The following F9 variants were observed in gnomAD, a reference collection of about 807,000 sequenced individuals.
F9 encodes Christmas factor.
A neutral mutation model predicts 34.1 loss-of-function variants in F9; 2 were observed. That is an observed-to-expected ratio of 0.06 (90% CI 0.02 to 0.18). F9 has a LOEUF of 0.18. Among genes scored for constraint, F9 ranks in the 10% least tolerant of loss-of-function variants. The pLI is 1.00. For synonymous variants in F9, 137 were observed against 118.8 expected, an observed-to-expected ratio of 1.15 and a Z score of -1.00; for missense variants, 216 against 345.1, an observed-to-expected ratio of 0.63 and a Z score of 2.96.
At chrX:139,561,476 G>A in intron 7 of F9, 48 bp from the exon 8 acceptor site, 1 of 1,092,545 alleles carries the variant, frequency 9.2e-7, no homozygotes, top group Non-Finnish European at 1.3e-6. Flanking sequence ...GAAAATCTGT[G>A]TATGTGAAAT....
chrX:139,533,122 A>G (rs761377897), intron 1 of F9, among the ~76,000 whole-genome samples: 10 of 111,607 alleles, frequency 9.0e-5, no homozygotes, highest in African/African-American at 3.3e-4. Flanking sequence ...GTAGCAGTAC[A>G]AAAAAAGAGG....
rs1307382807 is a variant in F9 at position 139,551,162 on chromosome X, T to C, written c.621T>C (p.Ala207=). 18 of 1,211,212 alleles carry C rather than the reference T, an allele frequency of 1.5e-5. No homozygotes were observed. Among genetic ancestry groups the C allele is most frequent in the Non-Finnish European group, 1.9e-5 (17 of 894,921 alleles). ...TGGACTATGTAAATTCTACTGAAGCTGAAACCATTTTGGATAACATCACTC... is the reference window on the plus strand; with the variant it reads ...TGGACTATGTAAATTCTACTGAAGCCGAAACCATTTTGGATAACATCACTC... ...PDVDYVNSTE[A]ETILDNITQS... is the part of the protein sequence containing the mutation. Residue 207 remains alanine, a synonymous_variant, in exon 6 of 8, where the codon GCT becomes GCC. Transcript: ENST00000218099.
intron 6 of F9, among the ~76,000 whole-genome samples, chrX:139,552,016 C>T (rs1357551121): frequency 9.2e-6 from 1 of 108,959 alleles, no homozygotes; most frequent in Non-Finnish European, 1.9e-5. Context: ...ACGGCGAAAC[C>T]CCACCTCTAA....
intron 6 of F9, among the ~76,000 whole-genome samples, chrX:139,551,807 C>T (rs187888900): frequency 9.0e-6 from 1 of 111,558 alleles, no homozygotes; most frequent in Non-Finnish European, 1.9e-5. Context: ...CTGCTCTACA[C>T]TAGACCTACC....
chrX:139,541,690 A>G (rs1393415645), intron 4 of F9, among the ~76,000 whole-genome samples: 1 of 112,056 alleles, frequency 8.9e-6, no homozygotes, highest in African/African-American at 3.2e-5. Flanking sequence ...ATGACTGGCC[A>G]ATTATCCCAT....
chrX:139,548,260 T>C (rs1927759614), intron 4 of F9, 103 bp from the exon 5 acceptor site: 1 of 907,048 alleles, frequency 1.1e-6, no homozygotes, highest in Admixed American at 2.4e-5. Context: ...GCAACATGAA[T>C]GCCCCCAATG....
chrX:139,553,598 A>G (rs760806954), intron 6 of F9, among the ~76,000 whole-genome samples: 5 of 110,209 alleles, frequency 4.5e-5, no homozygotes, highest in African/African-American at 1.3e-4. Flanking sequence ...AAAGTCCAAG[A>G]TTCAGGAGAT....
At position 139,561,373 on chromosome X, in the gene F9, T is replaced by C. The variant is rs752743578; in HGVS notation, c.839-151T>C. On this transcript the variant is annotated intron_variant, in intron 7 of 7. Coordinates refer to ENST00000218099, the MANE Select transcript of F9 (RefSeq NM_000133.4). ...GGCTTTTTGGTCTGAAAAATATGCA[T>C]TGGCTCTCATTACATTTAACCAAAA... 336 of 495,890 alleles carry C rather than the reference T, an allele frequency of 6.8e-4. 2 individuals carry two copies. The highest frequency in any genetic ancestry group is 3.1e-4 in the Admixed American group (8 of 25,832). The allele number at this position is 495,890 out of a possible 1,213,427, so 40.9% of individuals were successfully genotyped here. A position where few individuals can be genotyped will look rare whatever the true frequency, so the allele number is the denominator to read the frequency against.
intron 1 of F9, among the ~76,000 whole-genome samples, chrX:139,536,026 T>C (rs1337227369): frequency 1.8e-5 from 2 of 108,879 alleles, no homozygotes; most frequent in African/African-American, 3.3e-5. Flanking sequence ...AAAGGTACAG[T>C]GAAAATACAG....
At chrX:139,536,709 T>A (rs1284464417) in intron 1 of F9, among the ~76,000 whole-genome samples, 1 of 112,117 alleles carries the variant, frequency 8.9e-6, no homozygotes, top group African/African-American at 3.2e-5. Context: ...GATGACAAAG[T>A]GTGAAGTTAA....
intron 6 of F9, among the ~76,000 whole-genome samples, chrX:139,553,149 T>C (rs752076657): frequency 2.7e-5 from 3 of 111,920 alleles, no homozygotes; most frequent in African/African-American, 9.8e-5. Flanking sequence ...CCTGATCTTA[T>C]AACTCATAAA....
intron 6 of F9, 126 bp from the exon 7 acceptor site, chrX:139,560,615 G>A (rs777210283): frequency 4.1e-5 from 21 of 517,663 alleles, no homozygotes; most frequent in Middle Eastern, 5.3e-4. Context: ...CACATTTCCA[G>A]AAACATTCCA....
chrX:139,540,844 C>T (rs1927584957), intron 3 of F9, among the ~76,000 whole-genome samples: 2 of 111,710 alleles, frequency 1.8e-5, no homozygotes, highest in Admixed American at 9.5e-5. Context: ...TATGTACATG[C>T]CTTCCTCAGG....
At position 139,562,836 on chromosome X, in the gene F9, A is replaced by G. The variant is rs1025120664; in HGVS notation, c.*765A>G. ...TTTGGGGGAAAAGTTTCTTTCAGAG[A>G]GTTAAGTTATTTTATATATATAATA... On this transcript the variant is annotated 3_prime_UTR_variant, in exon 8 of 8. Transcript: ENST00000218099. The G allele has an allele frequency of 4.8e-5, 5 of 104,271 alleles. No individual in the cohort carries two copies. The highest frequency in any genetic ancestry group is 9.7e-5 in the Non-Finnish European group (5 of 51,357). The allele number at this position is 104,271 out of a possible 1,213,427, so 8.6% of individuals were successfully genotyped here.
intron 4 of F9, among the ~76,000 whole-genome samples, chrX:139,544,332 TAGTG>T (rs1430069702): frequency 1.8e-5 from 2 of 109,972 alleles, no homozygotes; most frequent in African/African-American, 6.8e-5. Flanking sequence ...TTACCACTGT[TAGTG>T]AGGAGAAAGG....
At chrX:139,550,793 T>C (rs1927821863) in intron 5 of F9, among the ~76,000 whole-genome samples, 2 of 112,016 alleles carry the variant, frequency 1.8e-5, no homozygotes, top group Admixed American at 1.9e-4. Context: ...TCTTACCAAA[T>C]TTGATTCTGG....
chrX:139,535,716 C>T (rs1927443824), intron 1 of F9, among the ~76,000 whole-genome samples: 1 of 111,185 alleles, frequency 9.0e-6, no homozygotes, highest in Non-Finnish European at 1.9e-5. Context: ...TAATTTTATA[C>T]ATACACACAC....
chrX:139,556,297 C>T lies in F9; in HGVS notation c.724-4444C>T, dbSNP rs4149724. Among the ~76,000 whole-genome samples the T allele has an allele frequency of 3.8e-3, 423 of 111,921 alleles. 1 individual carries two copies. Among genetic ancestry groups the T allele is most frequent in the African/African-American group, 0.013 (405 of 30,826 alleles). On this transcript the variant is annotated intron_variant, in intron 6 of 7. Coordinates refer to ENST00000218099, the MANE Select transcript of F9 (RefSeq NM_000133.4). ...TACAGAAAATGTCCAGGGAAATGGT[C>T]TATTTCTTATTCTATTTTTGACCTA...
intron 1 of F9, 151 bp from the exon 2 acceptor site, chrX:139,536,859 T>C: frequency 2.0e-6 from 1 of 499,715 alleles, no homozygotes; most frequent in East Asian, 3.6e-5. Context: ...TACAGTACTG[T>C]GGGAACATCA....
Sources: allele counts gnomAD v4.1 joint callset (sites outside exome capture counted in the v4.1 genomes callset), GRCh38; gene constraint gnomAD v4.1.1; transcripts MANE v1.5; gene names NCBI Gene and HGNC (gene_info 2026-07-23, HGNC 2026-07-21).